The following TFEB variants were observed in gnomAD, a reference collection of about 807,000 sequenced individuals.
TFEB encodes T-cell transcription factor EB.
Under a neutral mutation model 48.0 loss-of-function variants are expected in TFEB, and 12 were observed. The ratio of observed to expected loss-of-function variants is 0.25; its 90% CI spans 0.16 to 0.40. The LOEUF is 0.40. Among genes scored for constraint, TFEB ranks in the 10% least tolerant of loss-of-function variants. The pLI, the probability that TFEB is intolerant of heterozygous loss-of-function variation, is 1.00. For missense variants in TFEB, 509 were observed against 640.3 expected (o/e 0.79, Z 2.21); for synonymous variants, 244 against 261.4 (o/e 0.93, Z 0.64).
chr6:41,719,588 G>A (rs1308446866), intron 1 of TFEB, among the ~76,000 whole-genome samples: 2 of 152,314 alleles, frequency 1.3e-5, no homozygotes, highest in East Asian at 1.9e-4. Flanking sequence ...CCAGACACCC[G>A]GCCCAGGGTC....
intron 1 of TFEB, chr6:41,733,820 A>T (rs752055130): frequency 1.5e-5 from 15 of 985,336 alleles, no homozygotes; most frequent in Non-Finnish European, 1.8e-5. Context: ...TCGTGGCACC[A>T]AGAACTGCGT....
chr6:41,694,273 C>CT (rs988533001), intron 1 of TFEB, among the ~76,000 whole-genome samples: 2 of 152,202 alleles, frequency 1.3e-5, no homozygotes, highest in African/African-American at 4.8e-5. Context: ...CCACCGCCCC[C>CT]TGCCAGAATC....
intron 1 of TFEB, among the ~76,000 whole-genome samples, chr6:41,700,661 A>G (rs896463962): frequency 2.0e-5 from 3 of 152,080 alleles, no homozygotes; most frequent in Non-Finnish European, 2.9e-5. Context: ...GGGGGCAGTC[A>G]GGGGCTTGTT....
chr6:41,717,901 T>C (rs1302778777), intron 1 of TFEB, among the ~76,000 whole-genome samples: 2 of 152,174 alleles, frequency 1.3e-5, no homozygotes, highest in Non-Finnish European at 2.9e-5. Context: ...TTTCTCTATC[T>C]GGAAAATGGG....
At chr6:41,712,023 G>A (rs1301520863) in intron 1 of TFEB, among the ~76,000 whole-genome samples, 1 of 152,164 alleles carries the variant, frequency 6.6e-6, no homozygotes, top group African/African-American at 2.4e-5. Flanking sequence ...GCTCAGCAGT[G>A]GGGGTCCAGT....
chr6:41,702,935 G>A (rs1038212160), intron 1 of TFEB, among the ~76,000 whole-genome samples: 6 of 152,246 alleles, frequency 3.9e-5, no homozygotes, highest in Non-Finnish European at 7.4e-5. Context: ...GCTCCCTGCC[G>A]CCTGCCTGGT....
At chr6:41,704,445 G>A (rs1028237759) in intron 1 of TFEB, among the ~76,000 whole-genome samples, 1 of 152,216 alleles carries the variant, frequency 6.6e-6, no homozygotes, top group African/African-American at 2.4e-5. Context: ...TGAAATATGT[G>A]ATGTGCCTAG....
chr6:41,701,066 C>T (rs561333179), intron 1 of TFEB, among the ~76,000 whole-genome samples: 43 of 152,368 alleles, frequency 2.8e-4, no homozygotes, highest in African/African-American at 1.0e-3. Context: ...ATGCACGGAC[C>T]GGCCCAGCCA....
intron 1 of TFEB, among the ~76,000 whole-genome samples, chr6:41,698,414 G>A (rs966567478): frequency 6.6e-6 from 1 of 152,172 alleles, no homozygotes; most frequent in Non-Finnish European, 1.5e-5. Context: ...TCCAGCCCAG[G>A]AGCCAGAGGG....
In TFEB at chr6:41,685,951, C is replaced by T; in HGVS notation, c.951+139G>A. The T allele has an allele frequency of 2.2e-5, 25 of 1,153,856 alleles. 1 individual carries two copies. The highest frequency in any genetic ancestry group is 1.6e-4 in the South Asian group (11 of 67,902). 71.5% of individuals were successfully genotyped at this position (1,153,856 alleles called of 1,614,324 possible). ...AGGATTGTTTGTTACCAAAGCAAAA[C>T]ATCCTAACTGATACATCCTCCTTCC... On this transcript the variant is annotated intron_variant, in intron 8 of 8. Coordinates refer to ENST00000373033, the MANE Select transcript of TFEB (RefSeq NM_001271944.2).
At chr6:41,693,419 TTAAG>T (rs1235706056) in intron 1 of TFEB, among the ~76,000 whole-genome samples, 8 of 152,218 alleles carry the variant, frequency 5.3e-5, no homozygotes, top group Non-Finnish European at 8.8e-5. Flanking sequence ...GCACAGGAGA[TTAAG>T]TGTCTTTCAG....
At chr6:41,697,471 A>G (rs1232634670) in intron 1 of TFEB, among the ~76,000 whole-genome samples, 2 of 148,410 alleles carry the variant, frequency 1.3e-5, no homozygotes, top group Non-Finnish European at 3.0e-5. Flanking sequence ...GAGTTAGGGA[A>G]ACTACCTTCA....
intron 1 of TFEB, among the ~76,000 whole-genome samples, chr6:41,696,165 C>G (rs1415313036): frequency 6.6e-6 from 1 of 152,222 alleles, no homozygotes; most frequent in African/African-American, 2.4e-5. Flanking sequence ...TGACGCCAGT[C>G]CATTCAGTGG....
intron 1 of TFEB, among the ~76,000 whole-genome samples, chr6:41,695,614 A>G (rs1364120676): frequency 6.6e-6 from 1 of 152,202 alleles, no homozygotes; most frequent in Non-Finnish European, 1.5e-5. Flanking sequence ...AGGCTGGCTC[A>G]CAGCCCCCAC....
chr6:41,693,299 A>T (rs1271007100), intron 1 of TFEB, among the ~76,000 whole-genome samples: 1 of 152,212 alleles, frequency 6.6e-6, no homozygotes, highest in Non-Finnish European at 1.5e-5. Context: ...ACTTGAATTT[A>T]TTTGAGCATT....
intron 1 of TFEB, chr6:41,733,893 AT>A (rs1321938231): frequency 2.0e-6 from 2 of 985,374 alleles, no homozygotes; most frequent in Non-Finnish European, 2.4e-6. Context: ...CTCCAACCTC[AT>A]CCCCAGCTGC....
intron 1 of TFEB, among the ~76,000 whole-genome samples, chr6:41,695,983 G>A (rs926716349): frequency 5.3e-5 from 8 of 152,206 alleles, no homozygotes; most frequent in African/African-American, 1.7e-4. Flanking sequence ...GGCCAGCCGC[G>A]GTCCCTGGGT....
chr6:41,696,715 T>C (rs1026727748), intron 1 of TFEB, among the ~76,000 whole-genome samples: 2 of 151,798 alleles, frequency 1.3e-5, no homozygotes, highest in African/African-American at 4.8e-5. Flanking sequence ...ATAAATAAAA[T>C]AAATTGAAGT....
intron 1 of TFEB, among the ~76,000 whole-genome samples, chr6:41,729,937 T>C (rs1015401046): frequency 6.6e-6 from 1 of 152,194 alleles, no homozygotes; most frequent in African/African-American, 2.4e-5. Flanking sequence ...AGGTGTGCTC[T>C]GGGGACCAGC....
Sources: allele counts gnomAD v4.1 joint callset (sites outside exome capture counted in the v4.1 genomes callset), GRCh38; gene constraint gnomAD v4.1.1; transcripts MANE v1.5; gene names NCBI Gene and HGNC (gene_info 2026-07-23, HGNC 2026-07-21).